The following DMXL1 variants were observed in gnomAD, a reference collection of about 807,000 sequenced individuals.
DMXL1 encodes Dmx like 1.
DMXL1 carries 99 observed loss-of-function variants against 319.2 expected under a neutral mutation model. The observed-to-expected ratio is 0.31, with a 90% CI of 0.26 to 0.37. The LOEUF is 0.37. Among genes scored for constraint, DMXL1 ranks in the 10% least tolerant of loss-of-function variants. The pLI is 1.00. For missense variants in DMXL1, 3,745 were observed against 3,595.6 expected (o/e 1.04, Z -1.06); for synonymous variants, 1,385 against 1,235.2 (o/e 1.12, Z -2.54).
At chr5:119,246,248 T>C (rs1455384101) in intron 43 of DMXL1, among the ~76,000 whole-genome samples, 2 of 152,204 alleles carry the variant, frequency 1.3e-5, no homozygotes, top group Non-Finnish European at 1.5e-5. Flanking sequence ...GGCCTCTAGG[T>C]GTCAAGTACT....
chr5:119,208,612 G>A (rs746130702), intron 34 of DMXL1, among the ~76,000 whole-genome samples: 4 of 152,080 alleles, frequency 2.6e-5, no homozygotes, highest in African/African-American at 9.7e-5. Flanking sequence ...TTCATGCTAC[G>A]TCAAAATACA....
At chr5:119,225,457 A>T (rs1033306876) in intron 38 of DMXL1, among the ~76,000 whole-genome samples, 14 of 151,156 alleles carry the variant, frequency 9.3e-5, no homozygotes, top group Non-Finnish European at 1.6e-4. Context: ...GTTTTTTAAT[A>T]TTTTTTTTTA....
chr5:119,094,364 A>C (rs1199489439), intron 1 of DMXL1, among the ~76,000 whole-genome samples: 1 of 152,232 alleles, frequency 6.6e-6, no homozygotes, highest in Non-Finnish European at 1.5e-5. Context: ...TGGAACAACA[A>C]AGCCCGGATG....
At chr5:119,244,671 AGT>A in intron 43 of DMXL1, 95 bp downstream of exon 43, 3 of 823,676 alleles carry the variant, frequency 3.6e-6, no homozygotes, top group Non-Finnish European at 5.7e-6. Context: ...TTTAAATAAT[AGT>A]TATATTAATT....
intron 35 of DMXL1, 60 bp downstream of exon 35, chr5:119,217,047 T>C: frequency 1.0e-6 from 1 of 997,794 alleles, no homozygotes; most frequent in Non-Finnish European, 1.5e-6. Flanking sequence ...TAATATCTTC[T>C]GTTTTATCAG....
chr5:119,084,498 T>C (rs1430451886), intron 1 of DMXL1, among the ~76,000 whole-genome samples: 1 of 152,214 alleles, frequency 6.6e-6, no homozygotes, highest in African/African-American at 2.4e-5. Context: ...AATTTTAGGG[T>C]CATTTTTTTC....
At chr5:119,234,577 C>A (rs1162950214) in intron 39 of DMXL1, among the ~76,000 whole-genome samples, 1 of 152,082 alleles carries the variant, frequency 6.6e-6, no homozygotes, top group Non-Finnish European at 1.5e-5. Context: ...GAGCTTGTTT[C>A]TTAATACTAA....
chr5:119,227,617 T>G (rs1478127970), intron 38 of DMXL1, among the ~76,000 whole-genome samples: 2 of 152,182 alleles, frequency 1.3e-5, no homozygotes, highest in South Asian at 2.1e-4. Flanking sequence ...TTTCTGTTTT[T>G]TGGTTTTTTT....
In DMXL1 at chr5:119,106,671, G is replaced by T. The variant is rs1758423164; in HGVS notation, c.364+1413G>T. Among the ~76,000 whole-genome samples the T allele has an allele frequency of 2.0e-5, 3 of 152,196 alleles. No homozygotes were observed. In the South Asian group the frequency reaches 6.2e-4, roughly 31 times the overall value. On this transcript the variant is annotated intron_variant, in intron 4 of 43. Transcript: ENST00000539542. ...ATGGTTTTGCGAGATTTGTCTGCTA[G>T]CAGTGAGTTAGAAGGGTCAGTGGCA...
At chr5:119,216,278 A>C (rs572553522) in intron 34 of DMXL1, among the ~76,000 whole-genome samples, 108 of 152,144 alleles carry the variant, frequency 7.1e-4, no homozygotes, top group African/African-American at 2.5e-3. Flanking sequence ...CAGAAGGTCA[A>C]ATATATGTCC....
intron 43 of DMXL1, among the ~76,000 whole-genome samples, chr5:119,245,689 G>A (rs529032203): frequency 2.6e-5 from 4 of 151,924 alleles, no homozygotes; most frequent in African/African-American, 9.7e-5. Context: ...ACAGGCGTGC[G>A]CCACTACACC....
intron 40 of DMXL1, among the ~76,000 whole-genome samples, chr5:119,238,556 C>G (rs1297066811): frequency 2.0e-5 from 3 of 152,010 alleles, no homozygotes; most frequent in Non-Finnish European, 4.4e-5. Context: ...CTGGTATCAT[C>G]TAAAATTCTA....
intron 19 of DMXL1, among the ~76,000 whole-genome samples, chr5:119,157,866 A>T (rs564950279): frequency 6.6e-6 from 1 of 152,266 alleles, no homozygotes; most frequent in African/African-American, 2.4e-5. Flanking sequence ...AAATGACATC[A>T]GTATTTTGAT....
At chr5:119,100,872 C>T (rs796920789) in intron 2 of DMXL1, among the ~76,000 whole-genome samples, 51 of 148,862 alleles carry the variant, frequency 3.4e-4, no homozygotes, top group African/African-American at 1.1e-3. Context: ...CTCCGCCTCC[C>T]GGGTTCACGC....
rs78755907 is a variant in DMXL1 at position 119,195,160 on chromosome 5, G to T, written c.7457+1190G>T. Among the ~76,000 whole-genome samples the T allele has an allele frequency of 6.0e-3, 909 of 152,178 alleles. 8 individuals are homozygous for T. Among genetic ancestry groups the T allele is most frequent in the African/African-American group, 0.021 (855 of 41,518 alleles). On this transcript the variant is annotated intron_variant, in intron 30 of 43. Transcript: ENST00000539542. ...GCACTTTTGGTGGGAACGTAAAATC[G>T]TGCAGCAACTGTGGAAAACGGTATA...
intron 4 of DMXL1, among the ~76,000 whole-genome samples, chr5:119,108,469 G>A (rs1200635549): frequency 6.6e-6 from 1 of 151,984 alleles, no homozygotes; most frequent in Non-Finnish European, 1.5e-5. Flanking sequence ...TGTTGCCCAG[G>A]CTAGACTGCA....
At chr5:119,214,319 A>G (rs1282415937) in intron 34 of DMXL1, among the ~76,000 whole-genome samples, 1 of 152,170 alleles carries the variant, frequency 6.6e-6, no homozygotes, top group Admixed American at 6.6e-5. Flanking sequence ...ACTTATCACT[A>G]TCACCATTCC....
intron 34 of DMXL1, among the ~76,000 whole-genome samples, chr5:119,208,321 C>T (rs755361526): frequency 4.0e-5 from 6 of 151,018 alleles, no homozygotes; most frequent in Non-Finnish European, 7.4e-5. Flanking sequence ...TCAAGCGATT[C>T]TCCTGCCTCA....
intron 5 of DMXL1, among the ~76,000 whole-genome samples, chr5:119,111,986 A>G (rs6895651): frequency 9.9e-5 from 15 of 151,936 alleles, no homozygotes; most frequent in Admixed American, 2.0e-4. Flanking sequence ...TTTGAGACGA[A>G]GTCTCGCTCT....
Sources: gnomAD v4.1 joint callset for allele counts (sites outside exome capture counted in the v4.1 genomes callset) on GRCh38, gnomAD v4.1.1 for gene constraint, MANE v1.5 for transcripts, NCBI Gene and HGNC (gene_info 2026-07-23, HGNC 2026-07-21) for gene names.